NCAM1: variants seen among roughly 807,000 people sequenced by gnomAD.
NCAM1 encodes neural cell adhesion molecule 1.
In NCAM1, 14 loss-of-function variants were observed where a neutral mutation model predicts 109.8. The ratio of observed to expected loss-of-function variants is 0.13; its 90% confidence interval spans 0.08 to 0.20. The LOEUF is 0.20. NCAM1 is among the 10% of genes least tolerant of loss of function. The probability of loss-of-function intolerance (pLI) is 1.00; values close to 1 mark genes in which losing one functional copy is unlikely to be tolerated. For missense variants in NCAM1, 774 were observed against 1,109.9 expected (o/e 0.70, Z 4.30); for synonymous variants, 418 against 442.9 (o/e 0.94, Z 0.70).
chr11:113,032,150 A>T lies in NCAM1; in HGVS notation c.52+70486A>T, dbSNP rs375826310. 1.2e-4 allele frequency among the ~76,000 whole-genome samples: 19 copies of T among 152,246 alleles called. No individual in the cohort carries two copies. In the South Asian group the frequency reaches 1.9e-3, roughly 15 times the overall value. On this transcript the variant is annotated intron_variant, in intron 1 of 19. Transcript: ENST00000316851. ...GAGATGAGGTCTCTCTATGTAACCC[A>T]GGCTGGTCTTGAACTCCTGGGCTGA...
At chr11:113,084,359 T>C (rs1006848928) in intron 1 of NCAM1, among the ~76,000 whole-genome samples, 6 of 152,186 alleles carry the variant, frequency 3.9e-5, no homozygotes, top group Admixed American at 3.9e-4. Context: ...TTCAGCCCTC[T>C]ATTTTATAGA....
intron 1 of NCAM1, among the ~76,000 whole-genome samples, chr11:113,137,211 A>G (rs1173467167): frequency 6.6e-6 from 1 of 152,232 alleles, no homozygotes; most frequent in African/African-American, 2.4e-5. Context: ...ACCAGCAAAT[A>G]AAAGAACATG....
intron 1 of NCAM1, among the ~76,000 whole-genome samples, chr11:113,149,338 C>T (rs964645275): frequency 6.6e-6 from 1 of 152,078 alleles, no homozygotes; most frequent in African/African-American, 2.4e-5. Context: ...TTCACTGGAG[C>T]GCCACATGCA....
intron 1 of NCAM1, among the ~76,000 whole-genome samples, chr11:112,964,301 C>G (rs1950672044): frequency 6.6e-6 from 1 of 151,934 alleles, no homozygotes; most frequent in East Asian, 1.9e-4. Flanking sequence ...TCTCCTCTTT[C>G]TGTGTCCTCT....
chr11:113,193,437 G>A (rs1213917247), intron 1 of NCAM1, among the ~76,000 whole-genome samples: 1 of 152,170 alleles, frequency 6.6e-6, no homozygotes, highest in East Asian at 1.9e-4. Flanking sequence ...TCTGAGGTCA[G>A]GAGTTCGAGA....
intron 1 of NCAM1, among the ~76,000 whole-genome samples, chr11:113,019,452 C>T (rs1308750873): frequency 1.3e-4 from 20 of 152,138 alleles, no homozygotes; most frequent in Admixed American, 1.2e-3. Context: ...GAAGACCTGC[C>T]GATTTCCACA....
chr11:113,272,229 G>A (rs557395818), intron 19 of NCAM1, among the ~76,000 whole-genome samples: 1 of 152,226 alleles, frequency 6.6e-6, no homozygotes, highest in African/African-American at 2.4e-5. Flanking sequence ...AAATTCTAGG[G>A]TTTTGTGTTT....
At chr11:113,108,783 T>G (rs1335156508) in intron 1 of NCAM1, among the ~76,000 whole-genome samples, 9 of 129,830 alleles carry the variant, frequency 6.9e-5, no homozygotes, top group Non-Finnish European at 1.2e-4. Flanking sequence ...TTTTTTTTGT[T>G]TTTTTTTTTT....
intron 1 of NCAM1, among the ~76,000 whole-genome samples, chr11:113,169,813 G>A (rs1278211809): frequency 6.6e-6 from 1 of 152,088 alleles, no homozygotes; most frequent in Non-Finnish European, 1.5e-5. Context: ...TTTTAGTAAA[G>A]ACGGGGTTTC....
At chr11:113,098,240 C>G (rs988136009) in intron 1 of NCAM1, among the ~76,000 whole-genome samples, 1 of 152,078 alleles carries the variant, frequency 6.6e-6, no homozygotes, top group Non-Finnish European at 1.5e-5. Flanking sequence ...AGTTGTCCCT[C>G]GGTATAGAGG....
chr11:113,129,150 T>C (rs572369127), intron 1 of NCAM1, among the ~76,000 whole-genome samples: 1 of 152,288 alleles, frequency 6.6e-6, no homozygotes, highest in Admixed American at 6.5e-5. Context: ...AGCTTTCTCC[T>C]TTCACTTCTG....
chr11:113,190,375 T>C (rs1415328152), intron 1 of NCAM1, among the ~76,000 whole-genome samples: 1 of 152,160 alleles, frequency 6.6e-6, no homozygotes, highest in African/African-American at 2.4e-5. Flanking sequence ...CTATGGGTAA[T>C]TCTGTGGATG....
intron 1 of NCAM1, among the ~76,000 whole-genome samples, chr11:113,187,713 A>G (rs1388758249): frequency 1.3e-5 from 2 of 152,166 alleles, no homozygotes; most frequent in Non-Finnish European, 1.5e-5. Flanking sequence ...AGAGGAGTAG[A>G]CAGTAGTCAC....
rs554574770 is a variant in NCAM1 at position 113,120,772 on chromosome 11, G to A, written c.53-81607G>A. On this transcript the variant is annotated intron_variant, in intron 1 of 19. Transcript: ENST00000316851. ...TGTGCACAGGAATCATACAAAATACGAAAACTCGAAGAAAATGCCAGAGGG... is the reference window on the plus strand; with the variant it reads ...TGTGCACAGGAATCATACAAAATACAAAAACTCGAAGAAAATGCCAGAGGG... Among the ~76,000 whole-genome samples, 4 of 152,268 alleles carry A rather than the reference G, an allele frequency of 2.6e-5. No homozygotes were observed. In the East Asian group the frequency reaches 7.7e-4, roughly 29 times the overall value.
chr11:112,990,267 G>C (rs1555070379), intron 1 of NCAM1, among the ~76,000 whole-genome samples: 1 of 152,154 alleles, frequency 6.6e-6, no homozygotes, highest in Admixed American at 6.5e-5. Flanking sequence ...TGGGTCACTG[G>C]TTGGGTCCTT....
intron 1 of NCAM1, among the ~76,000 whole-genome samples, chr11:113,123,766 G>C (rs1042565009): frequency 6.6e-6 from 1 of 152,144 alleles, no homozygotes; most frequent in Non-Finnish European, 1.5e-5. Context: ...CCTCAGCTCC[G>C]CTCCTGGTGG....
At chr11:113,229,329 A>G (rs1555116763) in intron 9 of NCAM1, among the ~76,000 whole-genome samples, 1 of 152,270 alleles carries the variant, frequency 6.6e-6, no homozygotes, top group Non-Finnish European at 1.5e-5. Flanking sequence ...GACACATGAA[A>G]AAAGGCTCAT....
chr11:113,277,808 A>G lies in NCAM1; in HGVS notation c.*2421A>G. ...CCCACATTTTGGTCTGTTCTCTCCCATTACACATAGGTTTGTCTCAGCATG... is the reference window on the plus strand; with the variant it reads ...CCCACATTTTGGTCTGTTCTCTCCCGTTACACATAGGTTTGTCTCAGCATG... On this transcript the variant is annotated 3_prime_UTR_variant, in exon 20 of 20. Transcript: ENST00000316851. The G allele has an allele frequency of 6.2e-6, 1 of 160,172 alleles. No individual in the cohort carries two copies. The highest frequency in any genetic ancestry group is 2.3e-4 in the South Asian group (1 of 4,352). The allele number at this position is 160,172 out of a possible 1,614,324, so 9.9% of individuals were successfully genotyped here.
intron 1 of NCAM1, among the ~76,000 whole-genome samples, chr11:113,001,973 G>C (rs901078918): frequency 6.6e-6 from 1 of 152,136 alleles, no homozygotes; most frequent in Admixed American, 6.5e-5. Flanking sequence ...AGAGCAACCC[G>C]CAATTCTAGA....
Sources: allele counts gnomAD v4.1 joint callset (sites outside exome capture counted in the v4.1 genomes callset), GRCh38; gene constraint gnomAD v4.1.1; transcripts MANE v1.5; gene names NCBI Gene and HGNC (gene_info 2026-07-23, HGNC 2026-07-21).